The following MRC1 variants were observed in gnomAD, a reference collection of about 807,000 sequenced individuals.
MRC1 encodes macrophage mannose receptor 1.
A neutral mutation model predicts 102.9 loss-of-function variants in MRC1; 62 were observed. That is an observed-to-expected ratio of 0.60 (90% CI 0.49 to 0.74). MRC1 has a LOEUF of 0.74. MRC1 is among the 30% of genes least tolerant of loss of function. The pLI is 0.00. For missense variants in MRC1, 1,237 were observed against 862.8 expected (o/e 1.43, Z -5.43); for synonymous variants, 457 against 298.4 (o/e 1.53, Z -5.48).
chr10:17,893,710 C>G (rs1833712992), intron 22 of MRC1, among the ~76,000 whole-genome samples: 1 of 152,132 alleles, frequency 6.6e-6, no homozygotes, highest in Admixed American at 6.5e-5. Flanking sequence ...TGGCATACTC[C>G]CCTGTAAGAC....
chr10:17,845,499 G>C (rs1451606897), intron 6 of MRC1, 64 bp downstream of exon 6: 4 of 776,658 alleles, frequency 5.2e-6, no homozygotes, highest in Admixed American at 1.7e-5. Context: ...TAACATTACA[G>C]CTTAGGTGTA....
chr10:17,858,215 G>A (rs1179513562), intron 9 of MRC1, among the ~76,000 whole-genome samples: 1 of 152,096 alleles, frequency 6.6e-6, no homozygotes, highest in Non-Finnish European at 1.5e-5. Flanking sequence ...TGGATTGATG[G>A]TTGTTTTCTG....
At chr10:17,860,165 C>A (rs980108615) in intron 9 of MRC1, among the ~76,000 whole-genome samples, 1 of 152,158 alleles carries the variant, frequency 6.6e-6, no homozygotes, top group African/African-American at 2.4e-5. Flanking sequence ...ATTTTCCATT[C>A]AGCTTTTAGT....
intron 5 of MRC1, among the ~76,000 whole-genome samples, chr10:17,842,137 AT>A (rs1255314905): frequency 2.6e-5 from 4 of 151,856 alleles, no homozygotes; most frequent in Admixed American, 6.6e-5. Flanking sequence ...TAATTTTTTA[AT>A]TTTTTGTAGT....
intron 15 of MRC1, among the ~76,000 whole-genome samples, chr10:17,873,006 A>C (rs1272143405): frequency 6.6e-6 from 1 of 152,168 alleles, no homozygotes. Context: ...CCAGAATAGA[A>C]GAAGTCAGTG....
At chr10:17,891,333 A>T (rs987360283) in intron 22 of MRC1, among the ~76,000 whole-genome samples, 2 of 151,382 alleles carry the variant, frequency 1.3e-5, no homozygotes, top group African/African-American at 2.4e-5. Flanking sequence ...CTCCTGGCTA[A>T]TTTTTTATAT....
chr10:17,899,159 A>C (rs691615), intron 24 of MRC1, among the ~76,000 whole-genome samples: 6 of 151,808 alleles, frequency 4.0e-5, no homozygotes, highest in African/African-American at 1.5e-4. Flanking sequence ...AGATGTTATG[A>C]AGCTTCCAAG....
intron 11 of MRC1, among the ~76,000 whole-genome samples, 181 bp downstream of exon 11, chr10:17,863,863 T>C (rs1310466845): frequency 1.3e-5 from 2 of 152,204 alleles, no homozygotes; most frequent in Admixed American, 1.3e-4. Context: ...TCTAAAAGTT[T>C]CCCAATAGGT....
intron 11 of MRC1, among the ~76,000 whole-genome samples, chr10:17,864,535 A>G (rs1286356701): frequency 6.6e-6 from 1 of 152,078 alleles, no homozygotes; most frequent in Non-Finnish European, 1.5e-5. Flanking sequence ...ATCTTCATTT[A>G]AAAGAAGTGG....
intron 16 of MRC1, 114 bp from the exon 17 acceptor site, chr10:17,874,976 T>C (rs1262315780): frequency 1.3e-6 from 1 of 753,920 alleles, no homozygotes; most frequent in Non-Finnish European, 2.5e-6. Context: ...CTCTCAGAGT[T>C]GCAGATGCCT....
At chr10:17,896,935 G>A (rs1274443982) in intron 23 of MRC1, among the ~76,000 whole-genome samples, 2 of 152,170 alleles carry the variant, frequency 1.3e-5, no homozygotes, top group African/African-American at 4.8e-5. Flanking sequence ...CCAGAGTAAA[G>A]AACCAGATTG....
chr10:17,870,713 A>AGCTGTTAAAT, intron 13 of MRC1, 135 bp from the exon 14 acceptor site: 2 of 768,150 alleles, frequency 2.6e-6, no homozygotes, highest in Non-Finnish European at 4.8e-6. Context: ...TCTTCTATTT[A>AGCTGTTAAAT]GCTGTTAAAT....
chr10:17,838,933 C>A (rs1477174608), intron 4 of MRC1, among the ~76,000 whole-genome samples: 1 of 152,196 alleles, frequency 6.6e-6, no homozygotes, highest in East Asian at 1.9e-4. Context: ...TATAAAATTA[C>A]AAAAGCATAT....
At chr10:17,834,234 A>T (rs1013422711) in intron 4 of MRC1, among the ~76,000 whole-genome samples, 1 of 152,206 alleles carries the variant, frequency 6.6e-6, no homozygotes, top group Non-Finnish European at 1.5e-5. Flanking sequence ...GGTCAAAATG[A>T]TAAATTAAAA....
chr10:17,815,917 T>C (rs921426112), intron 1 of MRC1, among the ~76,000 whole-genome samples: 1 of 152,044 alleles, frequency 6.6e-6, no homozygotes, highest in Admixed American at 6.6e-5. Flanking sequence ...ACCTCCGCCT[T>C]GTGGGTTCAA....
chr10:17,836,583 C>T (rs2477652), intron 4 of MRC1, among the ~76,000 whole-genome samples: 50,448 of 151,832 alleles, frequency 0.33, 8,516 homozygotes, highest in African/African-American at 0.38. Flanking sequence ...CCTTGTATTC[C>T]CATCACTTTG....
rs1019321622 is a variant in MRC1, at chr10:17,875,393, G to A, written c.2550+140G>A. 171 of 680,110 alleles carry A rather than the reference G, an allele frequency of 2.5e-4. 2 individuals are homozygous for A. In the African/African-American group the frequency reaches 2.8e-3, roughly 11 times the overall value. The allele number at this position is 680,110 out of a possible 1,614,324, so 42.1% of individuals were successfully genotyped here. A position where few individuals can be genotyped will look rare whatever the true frequency, so the allele number is the denominator to read the frequency against. On this transcript the variant is annotated intron_variant, in intron 17 of 29. Coordinates refer to ENST00000569591, the MANE Select transcript of MRC1 (RefSeq NM_002438.4). The stretch of plus-strand genomic sequence containing the variant: ...CTGAGCAGTATACGCTGTACTGAAT[G>A]TGTAGTCTTTTATCCCTCACAACCT...
intron 8 of MRC1, 29 bp from the exon 9 acceptor site, chr10:17,856,213 A>C (rs1209122437): frequency 1.3e-6 from 1 of 777,880 alleles, no homozygotes; most frequent in Non-Finnish European, 2.2e-6. Flanking sequence ...ATAATCCTTT[A>C]TTTTTTTCTC....
At chr10:17,862,532 A>C (rs2130662484) in intron 10 of MRC1, among the ~76,000 whole-genome samples, 1 of 152,252 alleles carries the variant, frequency 6.6e-6, no homozygotes, top group South Asian at 2.1e-4. Flanking sequence ...GCATGATTTC[A>C]CTATATTTTA....
Sources: gnomAD v4.1 joint callset for allele counts (sites outside exome capture counted in the v4.1 genomes callset) on GRCh38, gnomAD v4.1.1 for gene constraint, MANE v1.5 for transcripts, NCBI Gene and HGNC (gene_info 2026-07-23, HGNC 2026-07-21) for gene names.